Variants in ATP6V1G3 observed in about 807,000 individuals in gnomAD.
ATP6V1G3 encodes V-type proton ATPase subunit G 3.
In ATP6V1G3, 9 loss-of-function variants were observed where a neutral mutation model predicts 9.3. The observed-to-expected ratio is 0.97, with a 90% CI of 0.59 to 1.69. The LOEUF (loss-of-function observed/expected upper bound fraction) is 1.69. ATP6V1G3 is among the 40% of genes most tolerant of loss of function. ATP6V1G3 has a pLI of 0.00. For synonymous variants in ATP6V1G3, 43 were observed against 43.8 expected, an observed-to-expected ratio of 0.98 and a Z score of 0.07; for missense variants, 133 against 139.0, an observed-to-expected ratio of 0.96 and a Z score of 0.22.
intron 1 of ATP6V1G3, among the ~76,000 whole-genome samples, chr1:198,538,150 C>A (rs1326552641): frequency 1.3e-5 from 2 of 152,024 alleles, no homozygotes; most frequent in African/African-American, 4.8e-5. Context: ...GGTTGAATAT[C>A]CCCTTGAATA....
At chr1:198,524,345 G>A (rs2640091) in intron 2 of ATP6V1G3, among the ~76,000 whole-genome samples, 96,877 of 151,792 alleles carry the variant, frequency 0.64, 32,776 homozygotes, top group Non-Finnish European at 0.76. Context: ...GGCTGGTCTC[G>A]AACTCCTGAC....
At position 198,529,215 on chromosome 1, in the gene ATP6V1G3, T is replaced by TAA. The variant is rs764287102; in HGVS notation, c.83-36_83-35dup. The TAA allele has an allele frequency of 8.4e-5, 35 of 416,014 alleles. No individual in the cohort carries two copies. The East Asian group carries it at 1.1e-3, about 13-fold the overall frequency. 25.8% of individuals were successfully genotyped at this position (416,014 alleles called of 1,614,324 possible). A position where few individuals can be genotyped will look rare whatever the true frequency, so the allele number is the denominator to read the frequency against. On this transcript the variant is annotated intron_variant, in intron 1 of 2. Transcript: ENST00000367382. ...TAACAAATATATATATATATATATATAATTATATATATCAATATATAAATA... is the reference window on the plus strand; with the variant it reads ...TAACAAATATATATATATATATATATAAAATTATATATATCAATATATAAATA...
intron 1 of ATP6V1G3, among the ~76,000 whole-genome samples, chr1:198,532,832 A>G (rs926200950): frequency 6.6e-6 from 1 of 152,186 alleles, no homozygotes; most frequent in East Asian, 1.9e-4. Context: ...AAACACCATC[A>G]TGGCTGGAGC....
At chr1:198,532,316 T>C (rs1451481901) in intron 1 of ATP6V1G3, among the ~76,000 whole-genome samples, 1 of 152,076 alleles carries the variant, frequency 6.6e-6, no homozygotes, top group African/African-American at 2.4e-5. Context: ...GAGCCAGTAG[T>C]AGTCAGAGAA....
intron 1 of ATP6V1G3, among the ~76,000 whole-genome samples, chr1:198,529,796 T>C (rs72733995): frequency 0.051 from 7,697 of 152,158 alleles, 280 homozygotes; most frequent in Middle Eastern, 0.071. Flanking sequence ...TGTAACTTTC[T>C]CTGAGGGGAA....
chr1:198,533,520 G>A (rs1659990127), intron 1 of ATP6V1G3, among the ~76,000 whole-genome samples: 1 of 152,100 alleles, frequency 6.6e-6, no homozygotes, highest in Non-Finnish European at 1.5e-5. Flanking sequence ...ACAGATATGA[G>A]TCAATGATGG....
chr1:198,531,895 GTTGT>G (rs1350900259), intron 1 of ATP6V1G3, among the ~76,000 whole-genome samples: 1 of 152,046 alleles, frequency 6.6e-6, no homozygotes, highest in Non-Finnish European at 1.5e-5. Flanking sequence ...GACAAAAGTA[GTTGT>G]TTAATTATTT....
At chr1:198,534,161 C>A (rs1660018455) in intron 1 of ATP6V1G3, among the ~76,000 whole-genome samples, 1 of 151,986 alleles carries the variant, frequency 6.6e-6, no homozygotes, top group South Asian at 2.1e-4. Flanking sequence ...TCTGATGTAA[C>A]CTTACTTGGA....
intron 1 of ATP6V1G3, among the ~76,000 whole-genome samples, chr1:198,537,530 A>G (rs904483061): frequency 6.6e-6 from 1 of 152,228 alleles, no homozygotes; most frequent in Non-Finnish European, 1.5e-5. Context: ...GAAAATGACC[A>G]TAGACCTTCT....
chr1:198,539,816 T>C (rs1171508719), intron 1 of ATP6V1G3, among the ~76,000 whole-genome samples: 1 of 152,228 alleles, frequency 6.6e-6, no homozygotes, highest in Non-Finnish European at 1.5e-5. Flanking sequence ...CTGCATACAT[T>C]GGGAATAATG....
At chr1:198,536,550 A>G (rs563851206) in intron 1 of ATP6V1G3, 7 of 668,482 alleles carry the variant, frequency 1.0e-5, no homozygotes, top group Non-Finnish European at 1.8e-5. Flanking sequence ...AACTACTGTG[A>G]TTTCATCTAA....
Position 198,529,181 on chromosome 1 carries a change from C to T in ATP6V1G3, c.83G>A (p.Arg28Lys), listed in dbSNP as rs1342309127. ...AKDKLEEAKK[R>K]KGKRLKQAKE... The stretch of plus-strand genomic sequence containing the variant: ...GGCTTGCTTCAATCGCTTTCCTTTT[C>T]CTGAAAATTAACAAATATATATATA... Residue 28 changes from arginine (R) to lysine (K), a missense_variant and splice_region_variant, in exon 2 of 3, where the codon AGA becomes AAA. Physicochemically the swap from Arg to Lys is conservative, Grantham distance 26 (BLOSUM62 2). Coordinates refer to ENST00000367382, the MANE Select transcript of ATP6V1G3 (RefSeq NM_001376861.1). 2.5e-6 allele frequency: 3 copies of T among 1,209,650 alleles called. No individual in the cohort carries two copies. The highest frequency in any genetic ancestry group is 2.1e-4 in the Middle Eastern group (1 of 4,772). The allele number at this position is 1,209,650 out of a possible 1,614,324, so 74.9% of individuals were successfully genotyped here. A position where few individuals can be genotyped will look rare whatever the true frequency, so the allele number is the denominator to read the frequency against.
intron 1 of ATP6V1G3, among the ~76,000 whole-genome samples, chr1:198,538,255 A>G (rs1299869870): frequency 1.3e-5 from 2 of 152,208 alleles, no homozygotes; most frequent in African/African-American, 4.8e-5. Flanking sequence ...GAAATAAGAC[A>G]GTATGTACTT....
At chr1:198,532,762 G>C (rs1421968095) in intron 1 of ATP6V1G3, among the ~76,000 whole-genome samples, 1 of 152,164 alleles carries the variant, frequency 6.6e-6, no homozygotes. Flanking sequence ...CAGGCAGAGG[G>C]AACAGCAAGT....
intron 2 of ATP6V1G3, among the ~76,000 whole-genome samples, chr1:198,527,906 C>G (rs1430911451): frequency 6.6e-6 from 1 of 151,986 alleles, no homozygotes; most frequent in Non-Finnish European, 1.5e-5. Flanking sequence ...GGAAAAGGTG[C>G]TAACAATTGA....
intron 2 of ATP6V1G3, among the ~76,000 whole-genome samples, chr1:198,528,366 T>TTTAC (rs1247948883): frequency 5.9e-5 from 9 of 152,090 alleles, no homozygotes; most frequent in African/African-American, 1.9e-4. Context: ...TGCACAGAGC[T>TTTAC]TTACTTATAT....
At chr1:198,534,146 G>A (rs187064464) in intron 1 of ATP6V1G3, among the ~76,000 whole-genome samples, 1 of 152,258 alleles carries the variant, frequency 6.6e-6, no homozygotes, top group African/African-American at 2.4e-5. Context: ...CTAACTCCTG[G>A]TACCTCTGAT....
At chr1:198,529,659 A>G (rs1659817407) in intron 1 of ATP6V1G3, among the ~76,000 whole-genome samples, 1 of 152,144 alleles carries the variant, frequency 6.6e-6, no homozygotes, top group African/African-American at 2.4e-5. Flanking sequence ...CACTACAAAC[A>G]TGCAACTCAG....
intron 1 of ATP6V1G3, among the ~76,000 whole-genome samples, chr1:198,531,438 G>A (rs185298236): frequency 1.3e-5 from 2 of 152,310 alleles, no homozygotes; most frequent in East Asian, 3.9e-4. Flanking sequence ...CATGGCTGCT[G>A]TGACCAAAAG....
Sources: allele counts gnomAD v4.1 joint callset (sites outside exome capture counted in the v4.1 genomes callset), GRCh38; gene constraint gnomAD v4.1.1; transcripts MANE v1.5; gene names NCBI Gene and HGNC (gene_info 2026-07-23, HGNC 2026-07-21).